The following DCAF6 variants were observed in gnomAD, a reference collection of about 807,000 sequenced individuals.
DCAF6 encodes DDB1- and CUL4-associated factor 6.
In DCAF6, 54 loss-of-function variants were observed where a neutral mutation model predicts 125.1. The ratio of observed to expected loss-of-function variants is 0.43; its 90% CI spans 0.35 to 0.54. DCAF6 has a LOEUF of 0.54. DCAF6 is among the 20% of genes least tolerant of loss of function. The pLI is 0.01. For missense variants in DCAF6, 934 were observed against 1,161.7 expected, an observed-to-expected ratio of 0.80 and a Z score of 2.85; for synonymous variants, 371 against 390.4, an observed-to-expected ratio of 0.95 and a Z score of 0.58.
intron 4 of DCAF6, among the ~76,000 whole-genome samples, chr1:167,984,582 A>G (rs911072506): frequency 6.6e-6 from 1 of 152,222 alleles, no homozygotes; most frequent in East Asian, 1.9e-4. Flanking sequence ...AATAAATTAC[A>G]TAAATATTTC....
chr1:167,982,306 A>G (rs1001887295), intron 4 of DCAF6, among the ~76,000 whole-genome samples: 19 of 151,496 alleles, frequency 1.3e-4, no homozygotes, highest in Admixed American at 9.2e-4. Flanking sequence ...CAGTGGTGCG[A>G]TCTCGGCTCA....
the DCAF6 span, among the ~76,000 whole-genome samples, chr1:167,888,712 T>C: frequency 6.6e-6 from 1 of 151,726 alleles, no homozygotes; most frequent in African/African-American, 2.4e-5. Context: ...TCGTCTCTAT[T>C]AAAAACACAA....
chr1:167,928,390 T>G, the DCAF6 span, among the ~76,000 whole-genome samples: 1 of 152,238 alleles, frequency 6.6e-6, no homozygotes, highest in East Asian at 1.9e-4. Flanking sequence ...TCATTGTAGC[T>G]AATTAACATT....
At chr1:167,914,695 G>A in the DCAF6 span, among the ~76,000 whole-genome samples, 1 of 152,106 alleles carries the variant, frequency 6.6e-6, no homozygotes, top group South Asian at 2.1e-4. Context: ...AGGCTGGTGT[G>A]TTTTCTAACA....
In DCAF6 at chr1:167,936,938, C is replaced by T. The variant is rs1232922425; in HGVS notation, c.27C>T (p.His9=). The T allele has an allele frequency of 6.2e-7, 1 of 1,609,334 alleles. No individual in the cohort carries two copies. The highest frequency in any genetic ancestry group is 8.5e-7 in the Non-Finnish European group (1 of 1,178,682). ...TGTCTCGGGGTGGCTCCTACCCACA[C>T]CTGTTGTGGGACGTGAGGAAAAGGT... is the stretch of plus-strand genomic sequence containing the variant. MSRGGSYP[H]LLWDVRKRSL... Residue 9 remains histidine, a synonymous_variant, in exon 1 of 22, where the codon CAC becomes CAT. Coordinates refer to ENST00000367840, the MANE Select transcript of DCAF6 (RefSeq NM_001198956.2).
intron 16 of DCAF6, among the ~76,000 whole-genome samples, chr1:168,048,647 T>C (rs1314766772): frequency 2.0e-5 from 3 of 152,188 alleles, no homozygotes; most frequent in Admixed American, 2.0e-4. Flanking sequence ...AATGGAATGC[T>C]CTTCTCATTA....
intron 21 of DCAF6, among the ~76,000 whole-genome samples, chr1:168,075,160 T>C (rs1693660755): frequency 6.6e-6 from 1 of 152,214 alleles, no homozygotes; most frequent in African/African-American, 2.4e-5. Flanking sequence ...GGAGTGGGTT[T>C]CTTTTTTCAT....
At chr1:168,041,262 A>G (rs900785483) in intron 13 of DCAF6, among the ~76,000 whole-genome samples, 5 of 151,996 alleles carry the variant, frequency 3.3e-5, no homozygotes, top group African/African-American at 9.7e-5. Flanking sequence ...CCAGTTTTCT[A>G]TGGTGTTTAT....
the DCAF6 span, chr1:167,904,136 G>A: frequency 1.7e-6 from 1 of 578,022 alleles, no homozygotes; most frequent in South Asian, 2.0e-5. Context: ...AGCCCAGGCT[G>A]GAGGGCAATG....
At chr1:167,863,903 C>T in the DCAF6 span, among the ~76,000 whole-genome samples, 9 of 152,238 alleles carry the variant, frequency 5.9e-5, no homozygotes, top group Admixed American at 6.5e-5. Context: ...TCACCCACGG[C>T]GTGCCTTTAT....
At chr1:168,051,419 A>G (rs1411394351) in intron 17 of DCAF6, among the ~76,000 whole-genome samples, 2 of 152,194 alleles carry the variant, frequency 1.3e-5, no homozygotes, top group Non-Finnish European at 2.9e-5. Context: ...TAGTTTAGAA[A>G]TAGTGTCACA....
intron 20 of DCAF6, among the ~76,000 whole-genome samples, 177 bp downstream of exon 20, chr1:168,066,642 T>TA (rs1231393629): frequency 3.9e-5 from 6 of 152,050 alleles, no homozygotes; most frequent in African/African-American, 1.4e-4. Context: ...ACTAGGGAGG[T>TA]AAAATCTAAA....
Position 168,043,093 on chromosome 1 carries a change from T to C in DCAF6, c.1796T>C (p.Phe599Ser), listed in dbSNP as rs1688756091. Reference protein sequence around the residue: ...HCKSEGQEESFVPQSSVQPPE... With the variant: ...HCKSEGQEESSVPQSSVQPPE... ...AAATCTGAGGGTCAGGAGGAATCTT[T>C]CGTCCCACAGAGCTCAGTGCAACCA... The change falls in exon 14 of 22, where the codon TTC (phenylalanine) becomes TCC (serine). Residue 599 changes from phenylalanine (F) to serine (S), a missense_variant. Phe to Ser is a radical substitution (Grantham distance 155). Coordinates refer to ENST00000367840, the MANE Select transcript of DCAF6 (RefSeq NM_001198956.2). 1.9e-6 allele frequency: 3 copies of C among 1,613,088 alleles called. 1 individual carries two copies. In the South Asian group the frequency reaches 3.3e-5, roughly 18 times the overall value.
the DCAF6 span, chr1:167,893,867 T>C: frequency 4.3e-6 from 7 of 1,613,112 alleles, no homozygotes; most frequent in Admixed American, 1.0e-4. Context: ...TTCAAAATGC[T>C]TTCCATCACA....
At chr1:167,902,100 G>A in the DCAF6 span, 2 of 1,567,026 alleles carry the variant, frequency 1.3e-6, no homozygotes, top group Non-Finnish European at 1.8e-6. Flanking sequence ...TTCCTTAAAG[G>A]TAGTAAAAAA....
chr1:168,032,310 AGATC>A (rs1344939465), intron 12 of DCAF6, among the ~76,000 whole-genome samples: 1 of 152,254 alleles, frequency 6.6e-6, no homozygotes, highest in Non-Finnish European at 1.5e-5. Context: ...TAGGGTAGAT[AGATC>A]TTCTCTGTTA....
At chr1:167,955,212 A>G (rs1367961340) in intron 2 of DCAF6, among the ~76,000 whole-genome samples, 1 of 152,218 alleles carries the variant, frequency 6.6e-6, no homozygotes, top group Admixed American at 6.5e-5. Context: ...GTTGAGGACT[A>G]TTACAAATAA....
At chr1:167,895,110 A>T in the DCAF6 span, among the ~76,000 whole-genome samples, 1 of 147,640 alleles carries the variant, frequency 6.8e-6, no homozygotes, top group African/African-American at 2.5e-5. Context: ...TGAACCCGGG[A>T]GGCAGAGGTT....
At position 168,038,444 on chromosome 1, in the gene DCAF6, A is replaced by G. The variant is rs907346179; in HGVS notation, c.1683A>G (p.Glu561=). The change falls in exon 13 of 22, where the codon GAA becomes GAG. Residue 561 remains glutamate (E), a synonymous_variant. Transcript: ENST00000367840. The stretch of plus-strand genomic sequence containing the variant: ...TTTTAAGTTTGCACTACAGCACAGA[A>G]GGAACAACTACAAGCACAATAAAAC... The part of the protein sequence containing the change: ...EPVLSLHYST[E]GTTTSTIKLN... 3 of 1,611,232 alleles carry G rather than the reference A, an allele frequency of 1.9e-6. No individual in the cohort carries two copies. Among genetic ancestry groups the G allele is most frequent in the Non-Finnish European group, 2.5e-6 (3 of 1,178,884 alleles).
Sources: gnomAD v4.1 joint callset for allele counts (sites outside exome capture counted in the v4.1 genomes callset) on GRCh38, gnomAD v4.1.1 for gene constraint, MANE v1.5 for transcripts, NCBI Gene and HGNC (gene_info 2026-07-23, HGNC 2026-07-21) for gene names.